The following MCM3AP variants were observed in gnomAD, a reference collection of about 807,000 sequenced individuals.
MCM3AP encodes the protein minichromosome maintenance complex component 3 associated protein, also known as germinal-center associated nuclear protein.
MCM3AP carries 126 observed loss-of-function variants against 184.1 expected under a neutral mutation model. The observed-to-expected ratio is 0.68, with a 90% CI of 0.59 to 0.79. The LOEUF is 0.79. Among genes scored for constraint, MCM3AP ranks in the 30% least tolerant of loss-of-function variants. The pLI, the probability that MCM3AP is intolerant of heterozygous loss-of-function variation, is 0.00. For missense variants in MCM3AP, 2,496 were observed against 2,479.2 expected (o/e 1.01, Z -0.14); for synonymous variants, 1,002 against 979.3 (o/e 1.02, Z -0.43).
In MCM3AP at chr21:46,236,831, G is replaced by C. The variant is rs921299352; in HGVS notation, c.5782C>G (p.Gln1928Glu). ...VMKTSVTTSP[Q>E]SDMMREQLQL... is the part of the protein sequence containing the mutation. ...CCAAATGTATACGTTCTTCTCACCT[G>C]TGGGCTAGTAGTTACAGATGTTTTC... The change falls in exon 27 of 28, where the codon CAG becomes GAG. Residue 1928 changes from glutamine (Q) to glutamate (E), a missense_variant and splice_region_variant. Gln to Glu is a conservative substitution (Grantham distance 29). This residue lies in a region of MCM3AP where 1,323 missense variants were observed against 1,273.4 expected (regional missense o/e 1.04). Transcript: ENST00000291688. 1 of 1,545,854 alleles carries C rather than the reference G, an allele frequency of 6.5e-7. No individual in the cohort carries two copies. Among genetic ancestry groups the C allele is most frequent in the African/African-American group, 1.4e-5 (1 of 70,864 alleles).
At chr21:46,278,634 A>G (rs1288474887) in intron 4 of MCM3AP, among the ~76,000 whole-genome samples, 1 of 152,122 alleles carries the variant, frequency 6.6e-6, no homozygotes. Flanking sequence ...CACTGTGATA[A>G]GCTGCACCTG....
In MCM3AP at chr21:46,238,597, A is replaced by G. The variant is rs910274142; in HGVS notation, c.5634-1618T>C. Among the ~76,000 whole-genome samples the G allele has an allele frequency of 4.7e-4, 56 of 120,194 alleles. 13 individuals carry two copies. The highest frequency in any genetic ancestry group is 2.5e-4 in the Non-Finnish European group (14 of 56,604). 78.9% of individuals were successfully genotyped at this position (120,194 alleles called of 152,430 possible). A position where few individuals can be genotyped will look rare whatever the true frequency, so the allele number is the denominator to read the frequency against. ...GTGATGGGTACCTGTAGTCCCAGCT[A>G]CTTGGGAGGCTGGGGCAGGAGAACT... On this transcript the variant is annotated intron_variant, in intron 26 of 27. Coordinates refer to ENST00000291688, the MANE Select transcript of MCM3AP (RefSeq NM_003906.5).
intron 2 of MCM3AP, among the ~76,000 whole-genome samples, chr21:46,282,571 G>C (rs762711216): frequency 2.0e-5 from 3 of 152,068 alleles, no homozygotes; most frequent in Non-Finnish European, 4.4e-5. Context: ...TTGGGAGGCC[G>C]AGGCAGGCAG....
intron 19 of MCM3AP, chr21:46,253,221 A>AT (rs2080899615): frequency 6.6e-6 from 1 of 152,238 alleles, no homozygotes; most frequent in Non-Finnish European, 1.5e-5. Flanking sequence ...GATCATGTCA[A>AT]TTTTTTCTTT....
chr21:46,251,241 A>G (rs1324863976), intron 20 of MCM3AP: 3 of 234,566 alleles, frequency 1.3e-5, no homozygotes, highest in African/African-American at 2.2e-5. Flanking sequence ...ACATTTCCTC[A>G]TTTTTTAAAA....
At chr21:46,267,352 A>G in intron 9 of MCM3AP, 1 of 570,408 alleles carries the variant, frequency 1.8e-6, no homozygotes. Context: ...GTGCCAAGCA[A>G]ACACTCTCAT....
intron 13 of MCM3AP, among the ~76,000 whole-genome samples, chr21:46,262,962 T>C (rs1205784747): frequency 1.4e-5 from 1 of 73,766 alleles, no homozygotes; most frequent in African/African-American, 5.8e-5. Flanking sequence ...GGAGACTCCG[T>C]CTCAAAAAAA....
chr21:46,255,470 T>C (rs567672591), intron 17 of MCM3AP, among the ~76,000 whole-genome samples: 3 of 152,020 alleles, frequency 2.0e-5, no homozygotes, highest in African/African-American at 4.8e-5. Context: ...GGGTGGAAGC[T>C]GGCAGACAGG....
rs751308005 is a variant in MCM3AP, at chr21:46,251,652, G to T, written c.4167C>A (p.Phe1389Leu). 1.3e-6 allele frequency: 2 copies of T among 1,599,462 alleles called. No homozygotes were observed. The highest frequency in any genetic ancestry group is 1.7e-6 in the Non-Finnish European group (2 of 1,168,182). Residue 1389 changes from phenylalanine to leucine, a missense_variant, in exon 20 of 28, where the codon TTC becomes TTA. By Grantham distance (22) the Phe-to-Leu change is conservative. Coordinates refer to ENST00000291688, the MANE Select transcript of MCM3AP (RefSeq NM_003906.5). ...RILANWLKVK[F>L]MGDEGSVDDT... is the part of the protein sequence containing the mutation. ...CATCCACTGAGCCTTCATCTCCCAT[G>T]AACTTGACTTTTAACCAATTTGCTA...
Position 46,281,563 on chromosome 21 carries a change from C to G in MCM3AP, c.1444-988G>C, listed in dbSNP as rs372696799. On this transcript the variant is annotated intron_variant, in intron 2 of 27. Transcript: ENST00000291688. ...GGGGTTGGGCATGGTGGCTCATGCC[C>G]GTTATCCTAGCACTTTGGGAGGTGG... 1.1e-4 allele frequency among the ~76,000 whole-genome samples: 17 copies of G among 152,056 alleles called. No individual in the cohort carries two copies. In the East Asian group the frequency reaches 3.3e-3, roughly 29 times the overall value.
chr21:46,266,314 C>T (rs1316211413), intron 10 of MCM3AP, 148 bp from the exon 11 acceptor site: 15 of 810,806 alleles, frequency 1.9e-5, no homozygotes, highest in Admixed American at 1.4e-4. Flanking sequence ...GTCCCACTGC[C>T]GCCCACCCTG....
chr21:46,284,589 T>C lies in MCM3AP; in HGVS notation c.698A>G (p.Glu233Gly), dbSNP rs201877749. The C allele has an allele frequency of 3.3e-5, 53 of 1,614,102 alleles. No homozygotes were observed. The highest frequency in any genetic ancestry group is 6.7e-5 in the Admixed American group (4 of 60,012). ...TATTGACTTAGGTCCTCTCTTCTCTTCCTCTACATTTTGGTTTGACAAAGC... is the reference window on the plus strand; with the variant it reads ...TATTGACTTAGGTCCTCTCTTCTCTCCCTCTACATTTTGGTTTGACAAAGC... Reference protein sequence around the residue: ...TPALSNQNVEEEKRGPKSIFG... With the variant: ...TPALSNQNVEGEKRGPKSIFG... Residue 233 changes from glutamate to glycine, a missense_variant, in exon 1 of 28, where the codon GAA becomes GGA. Transcript: ENST00000291688.
intron 4 of MCM3AP, among the ~76,000 whole-genome samples, chr21:46,277,987 C>T (rs1392859662): frequency 2.6e-5 from 4 of 152,046 alleles, no homozygotes; most frequent in African/African-American, 9.7e-5. Flanking sequence ...CCCATCTCTA[C>T]AAAAAATTTA....
chr21:46,284,617 G>C lies in MCM3AP; in HGVS notation c.670C>G (p.Pro224Ala), dbSNP rs756502213. ...SSNNSLSAFTPALSNQNVEEE... is the reference protein window; with the variant it reads ...SSNNSLSAFTAALSNQNVEEE... ...TCTACATTTTGGTTTGACAAAGCAG[G>C]GGTAAAGGCAGATAATGAATTATTA... The change falls in exon 1 of 28, where the codon CCT becomes GCT. Residue 224 changes from proline to alanine, a missense_variant. Transcript: ENST00000291688. 6.2e-7 allele frequency: 1 copy of C among 1,614,160 alleles called. No homozygotes were observed. The highest frequency in any genetic ancestry group is 8.5e-7 in the Non-Finnish European group (1 of 1,180,028).
rs769437831 is a variant in MCM3AP, at chr21:46,254,427, C to T, written c.4101G>A (p.Pro1367=). The T allele has an allele frequency of 2.9e-5, 47 of 1,614,072 alleles. No individual in the cohort carries two copies. Among genetic ancestry groups the T allele is most frequent in the Middle Eastern group, 3.3e-4 (2 of 6,084 alleles). The change falls in exon 19 of 28, where the codon CCG becomes CCA. Residue 1367 remains proline, a synonymous_variant. Transcript: ENST00000291688. The stretch of plus-strand genomic sequence containing the variant: ...TCTCTGGGGACTGCTCCTCTACATC[C>T]GGCAACACCAGCACCAGCTTCCAAA... The part of the protein sequence containing the change: ...HVFWKLVLVL[P]DVEEQSPESC...
chr21:46,263,087 T>C (rs1444797782), intron 13 of MCM3AP, among the ~76,000 whole-genome samples: 1 of 151,134 alleles, frequency 6.6e-6, no homozygotes, highest in Non-Finnish European at 1.5e-5. Flanking sequence ...CCCAGCAGTT[T>C]AGGAGGCCAA....
chr21:46,244,644 G>A lies in MCM3AP; in HGVS notation c.5038+163C>T, dbSNP rs17176870. 4.4e-3 allele frequency: 3,305 copies of A among 756,954 alleles called. 106 individuals carry two copies. The East Asian group carries it at 0.074, about 17-fold the overall frequency. The allele number at this position is 756,954 out of a possible 1,614,324, so 46.9% of individuals were successfully genotyped here. ...GCTTGTTCTGGCTCATGAACCCAAAGGACCAAAGGAAGGTGCAGGCGAGCA... is the reference window on the plus strand; with the variant it reads ...GCTTGTTCTGGCTCATGAACCCAAAAGACCAAAGGAAGGTGCAGGCGAGCA... On this transcript the variant is annotated intron_variant, in intron 23 of 27. Transcript: ENST00000291688.
At chr21:46,274,799 G>A (rs2081233933) in intron 6 of MCM3AP, among the ~76,000 whole-genome samples, 1 of 151,924 alleles carries the variant, frequency 6.6e-6, no homozygotes, top group African/African-American at 2.4e-5. Flanking sequence ...ACTAGGCGTG[G>A]TGGAGCATGC....
chr21:46,240,702 C>A (rs2080645945), intron 26 of MCM3AP, 109 bp downstream of exon 26: 2 of 953,338 alleles, frequency 2.1e-6, no homozygotes, highest in Non-Finnish European at 3.2e-6. Flanking sequence ...TAATAATCCA[C>A]CTGCCCTTCT....
Sources: gnomAD v4.1 joint callset for allele counts (sites outside exome capture counted in the v4.1 genomes callset) on GRCh38, gnomAD v4.1.1 for gene constraint, gnomAD v4.1.1 regional missense constraint, MANE v1.5 for transcripts, NCBI Gene and HGNC (gene_info 2026-07-23, HGNC 2026-07-21) for gene names.